Variants in INPP5A observed in about 807,000 individuals in gnomAD.
INPP5A encodes 43 kDa inositol polyphosphate 5-phophatase.
INPP5A carries 14 observed loss-of-function variants against 65.2 expected under a neutral mutation model. The ratio of observed to expected loss-of-function variants is 0.21; its 90% CI spans 0.14 to 0.34. The LOEUF is 0.34. Among genes scored for constraint, INPP5A ranks in the 10% least tolerant of loss-of-function variants. The pLI is 1.00. For missense variants in INPP5A, 431 were observed against 545.6 expected (o/e 0.79, Z 2.09); for synonymous variants, 207 against 208.3 (o/e 0.99, Z 0.05).
At chr10:132,594,081 C>A (rs530717063) in intron 1 of INPP5A, among the ~76,000 whole-genome samples, 2 of 152,280 alleles carry the variant, frequency 1.3e-5, no homozygotes, top group South Asian at 4.1e-4. Context: ...GTGGCACACA[C>A]ATGAGTGCAC....
rs1750002621 is a variant in INPP5A, at chr10:132,591,029, TG to T, written c.76-16884del. Among the ~76,000 whole-genome samples the T allele has an allele frequency of 2.0e-5, 3 of 152,252 alleles. No homozygotes were observed. In the South Asian group the frequency reaches 6.2e-4, roughly 31 times the overall value. ...AGGTGGCATCGCCCCACTCCCAGCT[TG>T]GCGGGAGGAGGCTCCTCATGTATGA... On this transcript the variant is annotated intron_variant, in intron 1 of 15. Coordinates refer to ENST00000368594, the MANE Select transcript of INPP5A (RefSeq NM_005539.5).
At chr10:132,726,163 G>A (rs764471629) in intron 8 of INPP5A, among the ~76,000 whole-genome samples, 2 of 152,188 alleles carry the variant, frequency 1.3e-5, no homozygotes, top group Non-Finnish European at 2.9e-5. Flanking sequence ...ATATGAGGAA[G>A]AATTTTTCTT....
intron 4 of INPP5A, among the ~76,000 whole-genome samples, chr10:132,664,054 A>C (rs2072772551): frequency 6.6e-6 from 1 of 152,240 alleles, no homozygotes. Context: ...CATGCTTGTT[A>C]GCATTTTTTG....
In INPP5A at chr10:132,545,545, G is replaced by C. The variant is rs552573551; in HGVS notation, c.75+7374G>C. Among the ~76,000 whole-genome samples the C allele has an allele frequency of 6.6e-6, 1 of 152,356 alleles. No homozygotes were observed. Among genetic ancestry groups the C allele is most frequent in the South Asian group, 2.1e-4 (1 of 4,828 alleles). Reference sequence around the variant, plus strand: ...TGCCGGGGTGTTCCCGCTGTCTCCTGGGCGGGTCCTTCTGATGTGAGTGCA... The same window carrying C: ...TGCCGGGGTGTTCCCGCTGTCTCCTCGGCGGGTCCTTCTGATGTGAGTGCA... On this transcript the variant is annotated intron_variant, in intron 1 of 15. Coordinates refer to ENST00000368594, the MANE Select transcript of INPP5A (RefSeq NM_005539.5). The surrounding 1 kb of genome is among the most constrained non-coding windows in gnomAD (Gnocchi z 4.6).
At chr10:132,708,092 C>G (rs778632432) in intron 6 of INPP5A, among the ~76,000 whole-genome samples, 2 of 152,204 alleles carry the variant, frequency 1.3e-5, no homozygotes, top group African/African-American at 2.4e-5. Flanking sequence ...CCACCCCACC[C>G]CAGGCTGGGC....
chr10:132,578,895 C>T (rs976941152), intron 1 of INPP5A, among the ~76,000 whole-genome samples: 1 of 152,168 alleles, frequency 6.6e-6, no homozygotes, highest in South Asian at 2.1e-4. Flanking sequence ...GCAGGCACTG[C>T]AGAGGTGCTC....
rs546544000 is a variant in INPP5A, at chr10:132,705,750, G to A, written c.475-2563G>A. ...TTGGAGCCACCTGTGGACCCTGAGG[G>A]TGCGTCTGTGGGTGCCTCAGTATCA... On this transcript the variant is annotated intron_variant, in intron 6 of 15. Coordinates refer to ENST00000368594, the MANE Select transcript of INPP5A (RefSeq NM_005539.5). The surrounding 1 kb of genome is among the most constrained non-coding windows in gnomAD (Gnocchi z 4.9). Among the ~76,000 whole-genome samples the A allele has an allele frequency of 4.6e-5, 7 of 152,306 alleles. No individual in the cohort carries two copies. The highest frequency in any genetic ancestry group is 1.4e-4 in the African/African-American group (6 of 41,544).
intron 9 of INPP5A, among the ~76,000 whole-genome samples, chr10:132,742,815 G>A (rs536216771): frequency 1.3e-5 from 2 of 152,224 alleles, no homozygotes; most frequent in Non-Finnish European, 2.9e-5. Context: ...TCTCTTTGCC[G>A]AGATTTATCA....
intron 1 of INPP5A, among the ~76,000 whole-genome samples, chr10:132,573,704 G>A (rs1363488334): frequency 4.8e-5 from 5 of 104,350 alleles, no homozygotes; most frequent in South Asian, 3.9e-4. Flanking sequence ...TGTACGTGCC[G>A]TGTGAGGTTT....
chr10:132,710,462 TGTGGGCGGGCAGGTAGGC>T lies in INPP5A; in HGVS notation c.647+13_647+30del, dbSNP rs1323269649. ...CTGGGCTACGTGCTGGACAGGTAGG[TGTGGGCGGGCAGGTAGGC>T]GTGGGCCGGGCAAGTAGGTGTGCTG... On this transcript the variant is annotated splice_region_variant and intron_variant, in intron 8 of 15. Coordinates refer to ENST00000368594, the MANE Select transcript of INPP5A (RefSeq NM_005539.5). 3 of 1,612,404 alleles carry T rather than the reference TGTGGGCGGGCAGGTAGGC, an allele frequency of 1.9e-6. No homozygotes were observed. Among genetic ancestry groups the T allele is most frequent in the African/African-American group, 2.7e-5 (2 of 74,856 alleles).
Position 132,670,407 on chromosome 10 carries a change from G to A in INPP5A, c.306+19902G>A, listed in dbSNP as rs539449146. Reference sequence around the variant, plus strand: ...CCCTGACCCTACATCCTCTGAGTGCGCACTCCCAGAACCCGCACCTGACCC... The same window carrying A: ...CCCTGACCCTACATCCTCTGAGTGCACACTCCCAGAACCCGCACCTGACCC... On this transcript the variant is annotated intron_variant, in intron 4 of 15. Coordinates refer to ENST00000368594, the MANE Select transcript of INPP5A (RefSeq NM_005539.5). 9.1e-5 allele frequency among the ~76,000 whole-genome samples: 3 copies of A among 33,132 alleles called. No homozygotes were observed. The East Asian group carries it at 3.1e-3, about 34-fold the overall frequency. The allele number at this position is 33,132 out of a possible 152,430, so 21.7% of individuals were successfully genotyped here.
chr10:132,583,830 C>T (rs1203011034), intron 1 of INPP5A, among the ~76,000 whole-genome samples: 1 of 152,078 alleles, frequency 6.6e-6, no homozygotes, highest in Non-Finnish European at 1.5e-5. Flanking sequence ...TGCTGTAATC[C>T]CAGCACTTTT....
rs974391909 is a variant in INPP5A at position 132,587,632 on chromosome 10, A to G, written c.76-20283A>G. 6.6e-6 allele frequency among the ~76,000 whole-genome samples: 1 copy of G among 152,168 alleles called. No individual in the cohort carries two copies. Among genetic ancestry groups the G allele is most frequent in the Non-Finnish European group, 1.5e-5 (1 of 68,016 alleles). The stretch of plus-strand genomic sequence containing the variant: ...TATGCCGTGCTCAGAAGCTAGCCAG[A>G]GGATTCCGTTCAGAAACGGGGCCTG... On this transcript the variant is annotated intron_variant, in intron 1 of 15. Transcript: ENST00000368594. This position sits in a 1 kb window ranked among gnomAD's most constrained non-coding sequence, Gnocchi z 4.3.
chr10:132,680,504 C>T (rs1017344294), intron 4 of INPP5A, among the ~76,000 whole-genome samples: 3 of 152,264 alleles, frequency 2.0e-5, no homozygotes, highest in Non-Finnish European at 4.4e-5. Flanking sequence ...TGCTGGCAGT[C>T]CTCACAGCCC....
rs1219415419 is a variant in INPP5A, at chr10:132,756,295, A to G, written c.903+6450A>G. Among the ~76,000 whole-genome samples the G allele has an allele frequency of 2.6e-5, 4 of 151,824 alleles. No homozygotes were observed. In the East Asian group the frequency reaches 5.8e-4, roughly 22 times the overall value. ...GTACGCATGCGTGTGCATGTGCACT[A>G]GTGTGTGTGGTGTATGTGTGTATGC... is the stretch of plus-strand genomic sequence containing the variant. On this transcript the variant is annotated intron_variant, in intron 11 of 15. Coordinates refer to ENST00000368594, the MANE Select transcript of INPP5A (RefSeq NM_005539.5).
At chr10:132,607,762 G>A (rs112222151) in intron 1 of INPP5A, among the ~76,000 whole-genome samples, 153 bp from the exon 2 acceptor site, 1 of 152,404 alleles carries the variant, frequency 6.6e-6, no homozygotes, top group East Asian at 1.9e-4. Flanking sequence ...TGGGCCTGGG[G>A]TTTCCCCGTG....
At chr10:132,579,554 C>T (rs889075255) in intron 1 of INPP5A, among the ~76,000 whole-genome samples, 2 of 152,086 alleles carry the variant, frequency 1.3e-5, no homozygotes. Flanking sequence ...TGCTGTGGGC[C>T]AGGGACACTA....
intron 4 of INPP5A, among the ~76,000 whole-genome samples, chr10:132,655,298 C>G (rs1049077334): frequency 6.6e-6 from 1 of 152,236 alleles, no homozygotes; most frequent in African/African-American, 2.4e-5. Flanking sequence ...GGAGACAGGG[C>G]TCAGAGCTAG....
intron 2 of INPP5A, among the ~76,000 whole-genome samples, chr10:132,609,492 T>A (rs1301594637): frequency 6.6e-6 from 1 of 152,184 alleles, no homozygotes; most frequent in African/African-American, 2.4e-5. Context: ...GTGTCTCCCC[T>A]CCAGGGATCC....
Sources: gnomAD v4.1 joint callset for allele counts (sites outside exome capture counted in the v4.1 genomes callset) on GRCh38, gnomAD v4.1.1 for gene constraint, Gnocchi (gnomAD v3.1) non-coding constraint, MANE v1.5 for transcripts, NCBI Gene and HGNC (gene_info 2026-07-23, HGNC 2026-07-21) for gene names.